The following DPP6 variants were observed in gnomAD, a reference collection of about 807,000 sequenced individuals.
DPP6 encodes A-type potassium channel modulatory protein DPP6.
A neutral mutation model predicts 122.6 loss-of-function variants in DPP6; 69 were observed. The observed-to-expected ratio is 0.56, with a 90% CI of 0.46 to 0.69. DPP6 has a LOEUF of 0.69. Among genes scored for constraint, DPP6 ranks in the 30% least tolerant of loss-of-function variants. The pLI is 0.00. For missense variants in DPP6, 928 were observed against 1,116.9 expected (o/e 0.83, Z 2.41); for synonymous variants, 418 against 433.1 (o/e 0.97, Z 0.43).
At chr7:153,752,125 C>G in the DPP6 span, among the ~76,000 whole-genome samples, 1 of 152,154 alleles carries the variant, frequency 6.6e-6, no homozygotes, top group Non-Finnish European at 1.5e-5. Context: ...CGCAGCAGGA[C>G]CTGCCACACA....
chr7:154,561,465 T>C (rs1359408460), intron 4 of DPP6, among the ~76,000 whole-genome samples: 7 of 152,210 alleles, frequency 4.6e-5, no homozygotes, highest in African/African-American at 1.7e-4. Context: ...ATCTTGATAA[T>C]TGGAAATTGA....
intron 1 of DPP6, among the ~76,000 whole-genome samples, chr7:154,194,026 T>C (rs747868298): frequency 1.3e-5 from 2 of 152,184 alleles, no homozygotes; most frequent in South Asian, 2.1e-4. Flanking sequence ...TGATGAAGTC[T>C]AGGAAAATGG....
chr7:154,551,096 T>C (rs1440285238), intron 4 of DPP6, among the ~76,000 whole-genome samples: 1 of 152,220 alleles, frequency 6.6e-6, no homozygotes, highest in Non-Finnish European at 1.5e-5. Context: ...TAAAGCAGTT[T>C]CCATGTAAGT....
intron 1 of DPP6, among the ~76,000 whole-genome samples, chr7:154,108,995 G>GTAAC (rs1806364220): frequency 1.3e-5 from 2 of 152,180 alleles, no homozygotes; most frequent in Admixed American, 1.3e-4. Flanking sequence ...CACATATGCA[G>GTAAC]GTTTGTTACA....
intron 1 of DPP6, among the ~76,000 whole-genome samples, chr7:154,397,448 A>G (rs961118191): frequency 6.6e-5 from 10 of 152,218 alleles, no homozygotes; most frequent in African/African-American, 2.4e-4. Flanking sequence ...AGAATCGTCC[A>G]ATTGATAGAA....
intron 1 of DPP6, among the ~76,000 whole-genome samples, chr7:154,277,446 G>A (rs1355824263): frequency 6.6e-6 from 1 of 152,186 alleles, no homozygotes; most frequent in African/African-American, 2.4e-5. Context: ...AGATCTGCCT[G>A]TTTATTTAAT....
chr7:154,332,733 C>T (rs955614128), intron 1 of DPP6, among the ~76,000 whole-genome samples: 1 of 152,130 alleles, frequency 6.6e-6, no homozygotes, highest in African/African-American at 2.4e-5. Flanking sequence ...TTCTGTCTCC[C>T]CCCTCCAACC....
chr7:154,570,024 G>A (rs1357231121), intron 5 of DPP6, among the ~76,000 whole-genome samples: 1 of 151,850 alleles, frequency 6.6e-6, no homozygotes, highest in Admixed American at 6.6e-5. Flanking sequence ...ATATGTGTTT[G>A]AGCACAGAGT....
At chr7:153,921,450 A>G (rs575174634) in intron 1 of DPP6, among the ~76,000 whole-genome samples, 1 of 152,384 alleles carries the variant, frequency 6.6e-6, no homozygotes, top group East Asian at 1.9e-4. Context: ...AATTCAGTGG[A>G]ATTAAAATGA....
intron 1 of DPP6, among the ~76,000 whole-genome samples, chr7:154,244,101 A>G (rs1010630249): frequency 7.3e-5 from 11 of 151,670 alleles, no homozygotes; most frequent in Admixed American, 3.9e-4. Flanking sequence ...CTATGCCCCA[A>G]GATAACCAAA....
At chr7:153,930,668 A>C (rs772150575) in intron 1 of DPP6, among the ~76,000 whole-genome samples, 8 of 152,208 alleles carry the variant, frequency 5.3e-5, no homozygotes, top group Non-Finnish European at 1.0e-4. Flanking sequence ...TAAAGGCATA[A>C]AACATGAGTG....
chr7:153,811,661 G>A, the DPP6 span, among the ~76,000 whole-genome samples: 1 of 151,994 alleles, frequency 6.6e-6, no homozygotes, highest in Non-Finnish European at 1.5e-5. Flanking sequence ...GAGACCATGA[G>A]TCTCAATTCC....
chr7:154,002,630 AT>A (rs1478868338), intron 1 of DPP6, among the ~76,000 whole-genome samples: 2 of 152,266 alleles, frequency 1.3e-5, no homozygotes, highest in East Asian at 3.9e-4. Context: ...ATAGAGTTGG[AT>A]CACAAAGTGA....
chr7:154,689,742 C>T (rs998737273), intron 7 of DPP6, among the ~76,000 whole-genome samples: 4 of 152,096 alleles, frequency 2.6e-5, no homozygotes, highest in East Asian at 1.9e-4. Context: ...AACAAATCTA[C>T]GAAAGCAGGA....
At chr7:154,014,684 A>G (rs1798316980) in intron 1 of DPP6, among the ~76,000 whole-genome samples, 1 of 152,052 alleles carries the variant, frequency 6.6e-6, no homozygotes, top group Admixed American at 6.6e-5. Context: ...GAAAGAAAAA[A>G]GAAAAAAAAA....
chr7:154,225,485 A>G (rs1248475973), intron 1 of DPP6, among the ~76,000 whole-genome samples: 1 of 151,962 alleles, frequency 6.6e-6, no homozygotes, highest in Non-Finnish European at 1.5e-5. Context: ...GGCTTTTACG[A>G]TTGTTTAATT....
intron 10 of DPP6, among the ~76,000 whole-genome samples, chr7:154,779,417 T>C (rs1796895375): frequency 6.6e-6 from 1 of 151,984 alleles, no homozygotes; most frequent in African/African-American, 2.4e-5. Context: ...CTCCTCTGCC[T>C]CCTTCCCTAT....
Position 153,968,342 on chromosome 7 carries a change from G to T in DPP6, c.51+80608G>T, listed in dbSNP as rs1281042254. Among the ~76,000 whole-genome samples, 8 of 152,148 alleles carry T rather than the reference G, an allele frequency of 5.3e-5. No individual in the cohort carries two copies. The South Asian group carries it at 1.7e-3, about 32-fold the overall frequency. ...GCATTTTTTCATATGTTTGTTGGCT[G>T]CTTGTATGTCTTCTTTTGAGACATG... On this transcript the variant is annotated intron_variant, in intron 1 of 25. Coordinates refer to the DPP6 transcript ENST00000404039.
At chr7:154,008,723 G>T (rs1236588288) in intron 1 of DPP6, among the ~76,000 whole-genome samples, 1 of 145,926 alleles carries the variant, frequency 6.9e-6, no homozygotes, top group Admixed American at 6.9e-5. Flanking sequence ...GTGCAGTGGC[G>T]CGATCTCGGC....
Sources: allele counts gnomAD v4.1 joint callset (sites outside exome capture counted in the v4.1 genomes callset), GRCh38; gene constraint gnomAD v4.1.1; transcripts MANE v1.5; gene names NCBI Gene and HGNC (gene_info 2026-07-23, HGNC 2026-07-21).